The following CNOT9 variants were observed in gnomAD, a reference collection of about 807,000 sequenced individuals.
CNOT9 encodes the protein CCR4-NOT transcription complex subunit 9.
In CNOT9, 8 loss-of-function variants were observed where a neutral mutation model predicts 37.4. The observed-to-expected ratio is 0.21, with a 90% CI of 0.13 to 0.39. CNOT9 has a LOEUF of 0.39. Ranked by LOEUF, CNOT9 falls within the 10% of genes least tolerant of loss-of-function variation. The pLI is 1.00. For missense variants in CNOT9, 154 were observed against 365.3 expected (o/e 0.42, Z 4.71); for synonymous variants, 120 against 137.6 (o/e 0.87, Z 0.90).
chr2:218,580,770 G>A (rs750672423), intron 2 of CNOT9, 30 bp downstream of exon 2: 2 of 1,585,836 alleles, frequency 1.3e-6, no homozygotes, highest in Non-Finnish European at 1.7e-6. Context: ...TGGCAGTTCA[G>A]TTCTTTTCAT....
intron 1 of CNOT9, among the ~76,000 whole-genome samples, chr2:218,578,229 G>A (rs1345093810): frequency 6.6e-6 from 1 of 152,192 alleles, no homozygotes; most frequent in Non-Finnish European, 1.5e-5. Flanking sequence ...ATTACTGTAA[G>A]GCACTTAAAG....
At chr2:218,569,743 G>A (rs1307378009) in intron 1 of CNOT9, among the ~76,000 whole-genome samples, 5 of 152,052 alleles carry the variant, frequency 3.3e-5, no homozygotes, top group African/African-American at 1.2e-4. Flanking sequence ...TGCACTTTGT[G>A]GTCTCTATGC....
intron 4 of CNOT9, 78 bp from the exon 5 acceptor site, chr2:218,587,508 C>G: frequency 2.2e-6 from 3 of 1,388,002 alleles, no homozygotes; most frequent in Middle Eastern, 1.9e-4. Flanking sequence ...TCACAACTCA[C>G]TGGATAAACA....
At chr2:218,588,241 A>G (rs1694652880) in intron 5 of CNOT9, among the ~76,000 whole-genome samples, 1 of 151,666 alleles carries the variant, frequency 6.6e-6, no homozygotes, top group Non-Finnish European at 1.5e-5. Context: ...GTGGTTACCT[A>G]CAAGTGTCTT....
chr2:218,589,484 T>C (rs930869761), intron 5 of CNOT9, among the ~76,000 whole-genome samples: 1 of 152,142 alleles, frequency 6.6e-6, no homozygotes, highest in Non-Finnish European at 1.5e-5. Context: ...ACATGCCTGC[T>C]CCACCACACT....
Position 218,587,660 on chromosome 2 carries a change from C to A in CNOT9, c.505C>A (p.Arg169=). 1 of 1,603,366 alleles carries A rather than the reference C, an allele frequency of 6.2e-7. No individual in the cohort carries two copies. Among genetic ancestry groups the A allele is most frequent in the Non-Finnish European group, 8.5e-7 (1 of 1,173,606 alleles). The change falls in exon 5 of 8, where the codon CGA becomes AGA. Residue 169 remains arginine (R), a synonymous_variant. Transcript: ENST00000273064. ...LTTEIIPLCL[R]IMESGSELSK... is the part of the protein sequence containing the mutation. The stretch of plus-strand genomic sequence containing the variant: ...AACAGAAATTATCCCTTTATGTTTG[C>A]GAATTATGGAATCTGGAAGTGAACT...
At chr2:218,575,636 C>T (rs1407706883) in intron 1 of CNOT9, among the ~76,000 whole-genome samples, 1 of 152,078 alleles carries the variant, frequency 6.6e-6, no homozygotes, top group African/African-American at 2.4e-5. Context: ...CACTCCTGAC[C>T]TTGTGATCCT....
intron 5 of CNOT9, among the ~76,000 whole-genome samples, chr2:218,588,505 T>G (rs1209922154): frequency 6.7e-6 from 1 of 149,854 alleles, no homozygotes; most frequent in Non-Finnish European, 1.5e-5. Flanking sequence ...ACCAGGCTGG[T>G]GTTGAACCCC....
At chr2:218,576,959 T>C (rs1694190464) in intron 1 of CNOT9, among the ~76,000 whole-genome samples, 1 of 116,318 alleles carries the variant, frequency 8.6e-6, no homozygotes. Context: ...AGAGTGAGGC[T>C]CCATCTCAAA....
In CNOT9 at chr2:218,596,224, A is replaced by C. The variant is rs959318017; in HGVS notation, c.*1948A>C. On this transcript the variant is annotated 3_prime_UTR_variant, in exon 8 of 8. Transcript: ENST00000273064. ...GGTGCATTGGCCATGTTACTGTGCCAAAGTGTCTTAATTCTTGTCCCATCT... is the reference window on the plus strand; with the variant it reads ...GGTGCATTGGCCATGTTACTGTGCCCAAGTGTCTTAATTCTTGTCCCATCT... 1 of 152,174 alleles carries C rather than the reference A, an allele frequency of 6.6e-6. No homozygotes were observed. The highest frequency in any genetic ancestry group is 1.5e-5 in the Non-Finnish European group (1 of 68,066). The allele number at this position is 152,174 out of a possible 1,614,324, so 9.4% of individuals were successfully genotyped here.
intron 1 of CNOT9, among the ~76,000 whole-genome samples, chr2:218,573,191 G>A (rs962450089): frequency 4.6e-5 from 7 of 151,970 alleles, no homozygotes; most frequent in African/African-American, 9.7e-5. Context: ...CATGGCATGC[G>A]CTTGTAATCC....
At chr2:218,580,539 A>G (rs1289917344) in intron 1 of CNOT9, 22 bp from the exon 2 acceptor site, 1 of 1,577,612 alleles carries the variant, frequency 6.3e-7, no homozygotes, top group South Asian at 1.2e-5. Context: ...ACTGATATTT[A>G]CTTTCTTGTC....
At position 218,595,548 on chromosome 2, in the gene CNOT9, A is replaced by G. The variant is rs1221174719; in HGVS notation, c.*1272A>G. ...GCTTAGGTGGCTCTTCACAATCCAT[A>G]GGCTTGAATCTGCAACCTAGTGTAA... On this transcript the variant is annotated 3_prime_UTR_variant, in exon 8 of 8. Transcript: ENST00000273064. The G allele has an allele frequency of 4.0e-5, 6 of 150,886 alleles. No homozygotes were observed. In the East Asian group the frequency reaches 9.8e-4, roughly 25 times the overall value. The allele number at this position is 150,886 out of a possible 1,614,324, so 9.3% of individuals were successfully genotyped here.
At chr2:218,575,321 G>A (rs192981382) in intron 1 of CNOT9, among the ~76,000 whole-genome samples, 10 of 151,086 alleles carry the variant, frequency 6.6e-5, no homozygotes, top group South Asian at 2.1e-4. Context: ...GTAGGTTTTC[G>A]TGTTTTTGCA....
rs554281200 is a variant in CNOT9 at position 218,584,387 on chromosome 2, A to T, written c.321-225A>T. Among the ~76,000 whole-genome samples the T allele has an allele frequency of 5.3e-5, 8 of 152,242 alleles. No individual in the cohort carries two copies. The South Asian group carries it at 1.7e-3, about 32-fold the overall frequency. On this transcript the variant is annotated intron_variant, in intron 3 of 7. Transcript: ENST00000273064. ...TAGTGCTTCATAATCCTGAGTTGTG[A>T]CAATCAAAGATGTCTCCAGACATTG...
chr2:218,583,557 G>C (rs554845294), intron 3 of CNOT9, among the ~76,000 whole-genome samples: 1 of 152,140 alleles, frequency 6.6e-6, no homozygotes, highest in Non-Finnish European at 1.5e-5. Context: ...GAATTGGCAT[G>C]TAAGTTAAAA....
At position 218,594,327 on chromosome 2, in the gene CNOT9, A is replaced by C. The variant is rs748464734; in HGVS notation, c.*51A>C. On this transcript the variant is annotated 3_prime_UTR_variant, in exon 8 of 8. Transcript: ENST00000273064. ...CCCCCAAGTTGGGGAAAGGAGGGGG[A>C]ACCTACGAGAAAAACAGCTCAGGTT... 5 of 1,539,030 alleles carry C rather than the reference A, an allele frequency of 3.2e-6. No individual in the cohort carries two copies. The highest frequency in any genetic ancestry group is 1.8e-4 in the Middle Eastern group (1 of 5,406).
At chr2:218,576,966 CAAA>C (rs34234485) in intron 1 of CNOT9, among the ~76,000 whole-genome samples, 3 of 136,992 alleles carry the variant, frequency 2.2e-5, no homozygotes, top group Admixed American at 7.4e-5. Flanking sequence ...GGCTCCATCT[CAAA>C]AAAAAAAAAA....
Position 218,592,839 on chromosome 2 carries a change from G to C in CNOT9, c.731+132G>C. 1.4e-6 allele frequency: 1 copy of C among 692,586 alleles called. No individual in the cohort carries two copies. Among genetic ancestry groups the C allele is most frequent in the South Asian group, 1.8e-5 (1 of 55,872 alleles). 42.9% of individuals were successfully genotyped at this position (692,586 alleles called of 1,614,324 possible). A position where few individuals can be genotyped will look rare whatever the true frequency, so the allele number is the denominator to read the frequency against. On this transcript the variant is annotated intron_variant, in intron 7 of 7. Coordinates refer to ENST00000273064, the MANE Select transcript of CNOT9 (RefSeq NM_005444.3). The surrounding 1 kb of genome is among the most constrained non-coding windows in gnomAD (Gnocchi z 4.1). ...AACTGCATTTAGTTTGTCTGAGACA[G>C]AACTTAGATTCTTTTAAAAATCTGA...
Sources: gnomAD v4.1 joint callset for allele counts (sites outside exome capture counted in the v4.1 genomes callset) on GRCh38, gnomAD v4.1.1 for gene constraint, Gnocchi (gnomAD v3.1) non-coding constraint, MANE v1.5 for transcripts, NCBI Gene and HGNC (gene_info 2026-07-23, HGNC 2026-07-21) for gene names.